Variants in IFT80 observed in about 807,000 individuals in gnomAD.
The protein encoded by IFT80 is intraflagellar transport 80.
Under a neutral mutation model 107.9 loss-of-function variants are expected in IFT80, and 79 were observed. The observed-to-expected ratio is 0.73, with a 90% CI of 0.61 to 0.88. The LOEUF is 0.88. Among genes scored for constraint, IFT80 ranks in the 40% least tolerant of loss-of-function variants. IFT80 has a pLI of 0.00. For missense variants in IFT80, 797 were observed against 914.2 expected (o/e 0.87, Z 1.65); for synonymous variants, 299 against 300.9 (o/e 0.99, Z 0.07).
At chr3:160,383,743 A>G (rs1286344827) in intron 2 of IFT80, 1 of 985,254 alleles carries the variant, frequency 1.0e-6, no homozygotes, top group Non-Finnish European at 1.2e-6. Flanking sequence ...TCCTTGACAC[A>G]TAACTGGGGA....
chr3:160,315,074 A>AGGGAGGGAGGGAGGGG (rs1717704206), intron 9 of IFT80, among the ~76,000 whole-genome samples: 2 of 24,682 alleles, frequency 8.1e-5, no homozygotes, highest in African/African-American at 3.2e-4. Flanking sequence ...GGAGGGAGGG[A>AGGGAGGGAGGGAGGGG]GGGAGGGAGG....
chr3:160,381,794 G>A, intron 2 of IFT80, 70 bp from the exon 3 acceptor site: 1 of 1,235,848 alleles, frequency 8.1e-7, no homozygotes, highest in South Asian at 1.2e-5. Context: ...CACAGATGCA[G>A]ATTATAAGGT....
At position 160,257,056 on chromosome 3, in the gene IFT80, A is replaced by G. The variant is rs1288380935; in HGVS notation, c.*1469T>C. The G allele has an allele frequency of 6.6e-6, 1 of 152,138 alleles. No homozygotes were observed. The highest frequency in any genetic ancestry group is 2.4e-5 in the African/African-American group (1 of 41,430). 9.4% of individuals were successfully genotyped at this position (152,138 alleles called of 1,614,324 possible). The stretch of plus-strand genomic sequence containing the variant: ...AATATACATAACATAAAACCTTTTA[A>G]CCATTTATTTTTAAACATTTTAAGC... On this transcript the variant is annotated 3_prime_UTR_variant, in exon 20 of 20. Transcript: ENST00000326448.
rs1441275758 is a variant in IFT80 at position 160,277,332 on chromosome 3, G to A, written c.2073C>T (p.Ile691=). 1 of 1,612,942 alleles carries A rather than the reference G, an allele frequency of 6.2e-7. No homozygotes were observed. Among genetic ancestry groups the A allele is most frequent in the Non-Finnish European group, 8.5e-7 (1 of 1,179,790 alleles). ...TTTCCCAGTTGTAGAGATTAATATT[G>A]ATCTGGATTGCTTGATAAACAAGGC... is the stretch of plus-strand genomic sequence containing the variant. ...QAGLVYQAIQ[I]NINLYNWERA... The change falls in exon 18 of 20, where the codon ATC becomes ATT. Residue 691 remains isoleucine (I), a synonymous_variant. Transcript: ENST00000326448.
intron 11 of IFT80, among the ~76,000 whole-genome samples, chr3:160,303,582 T>C (rs777455790): frequency 1.3e-5 from 2 of 152,226 alleles, no homozygotes; most frequent in Admixed American, 6.5e-5. Flanking sequence ...ATTACTCTGA[T>C]GTTTACTTGT....
At chr3:160,371,138 T>G (rs182725806) in intron 5 of IFT80, among the ~76,000 whole-genome samples, 152 of 152,258 alleles carry the variant, frequency 1.0e-3, no homozygotes, top group African/African-American at 3.6e-3. Flanking sequence ...CGGCCTACAC[T>G]CTGGCCCAAG....
At chr3:160,373,804 T>C (rs1711753151) in intron 5 of IFT80, 1 of 152,446 alleles carries the variant, frequency 6.6e-6, no homozygotes, top group African/African-American at 2.4e-5. Flanking sequence ...TCACCACTGA[T>C]CTGACAGGAG....
intron 18 of IFT80, among the ~76,000 whole-genome samples, chr3:160,270,959 G>A (rs776121694): frequency 5.9e-5 from 9 of 152,154 alleles, no homozygotes; most frequent in East Asian, 3.9e-4. Flanking sequence ...CCAAAATTCC[G>A]AATGAGATAC....
intron 8 of IFT80, among the ~76,000 whole-genome samples, chr3:160,351,009 CATTTT>C (rs1225464934): frequency 6.6e-6 from 1 of 151,790 alleles, no homozygotes; most frequent in Non-Finnish European, 1.5e-5. Flanking sequence ...AAAACCTGTA[CATTTT>C]ATTTGAAAAT....
Position 160,258,160 on chromosome 3 carries a change from G to C in IFT80, c.*365C>G, listed in dbSNP as rs1712504526. 2 of 211,828 alleles carry C rather than the reference G, an allele frequency of 9.4e-6. No individual in the cohort carries two copies. Among genetic ancestry groups the C allele is most frequent in the South Asian group, 1.6e-4 (2 of 12,322 alleles). The allele number at this position is 211,828 out of a possible 1,614,324, so 13.1% of individuals were successfully genotyped here. On this transcript the variant is annotated 3_prime_UTR_variant, in exon 20 of 20. Transcript: ENST00000326448. Reference sequence around the variant, plus strand: ...CATTTTACAATTTAGAGGTCAAATAGAAATTAATGGTAACATACATTTCAA... The same window carrying C: ...CATTTTACAATTTAGAGGTCAAATACAAATTAATGGTAACATACATTTCAA...
intron 3 of IFT80, among the ~76,000 whole-genome samples, chr3:160,380,439 G>T (rs1476354584): frequency 1.3e-5 from 2 of 152,080 alleles, no homozygotes; most frequent in African/African-American, 2.4e-5. Flanking sequence ...TGGGCTACTG[G>T]CCACCGTCAT....
At chr3:160,355,294 G>T (rs2108359072) in intron 8 of IFT80, among the ~76,000 whole-genome samples, 1 of 152,254 alleles carries the variant, frequency 6.6e-6, no homozygotes, top group South Asian at 2.1e-4. Flanking sequence ...TCTCATCCAG[G>T]CTGGAGTACA....
At chr3:160,275,979 T>C (rs1276612223) in intron 18 of IFT80, among the ~76,000 whole-genome samples, 1 of 152,172 alleles carries the variant, frequency 6.6e-6, no homozygotes, top group Non-Finnish European at 1.5e-5. Context: ...GCAATTCTCC[T>C]GCCTCAGCCT....
chr3:160,297,944 T>G (rs1224175520), intron 12 of IFT80, among the ~76,000 whole-genome samples: 2 of 152,122 alleles, frequency 1.3e-5, no homozygotes, highest in African/African-American at 4.8e-5. Flanking sequence ...GAGCTGTGAG[T>G]TGAAATAGTT....
chr3:160,362,036 C>G lies in IFT80; in HGVS notation c.549+4007G>C, dbSNP rs551191470. Among the ~76,000 whole-genome samples, 6 of 152,144 alleles carry G rather than the reference C, an allele frequency of 3.9e-5. No individual in the cohort carries two copies. In the East Asian group the frequency reaches 9.6e-4, roughly 24 times the overall value. On this transcript the variant is annotated intron_variant, in intron 6 of 19. Coordinates refer to ENST00000326448, the MANE Select transcript of IFT80 (RefSeq NM_020800.3). ...AGAAATAACTAAGATCAGAGCAGAA[C>G]TGAAGGAGATAGAGACACAAAAAAC...
At chr3:160,352,146 A>G (rs1720756405) in intron 8 of IFT80, among the ~76,000 whole-genome samples, 4 of 150,870 alleles carry the variant, frequency 2.7e-5, no homozygotes. Flanking sequence ...ACCCGCCACC[A>G]CGCCCGGCTA....
intron 8 of IFT80, among the ~76,000 whole-genome samples, chr3:160,352,708 C>T (rs1187604393): frequency 6.6e-6 from 1 of 152,090 alleles, no homozygotes; most frequent in Non-Finnish European, 1.5e-5. Context: ...GGTTTACTAT[C>T]GTAATGATTG....
chr3:160,360,580 GA>G (rs1278095493), intron 6 of IFT80, among the ~76,000 whole-genome samples: 1 of 152,066 alleles, frequency 6.6e-6, no homozygotes, highest in African/African-American at 2.4e-5. Context: ...AGAAATGAAG[GA>G]AAAAATGTTA....
At chr3:160,264,978 A>ATT (rs1713184041) in intron 19 of IFT80, among the ~76,000 whole-genome samples, 1 of 152,140 alleles carries the variant, frequency 6.6e-6, no homozygotes, top group East Asian at 1.9e-4. Flanking sequence ...CTTTGCTAGA[A>ATT]CAGTCTCTGC....
Sources: gnomAD v4.1 joint callset for allele counts (sites outside exome capture counted in the v4.1 genomes callset) on GRCh38, gnomAD v4.1.1 for gene constraint, MANE v1.5 for transcripts, NCBI Gene and HGNC (gene_info 2026-07-23, HGNC 2026-07-21) for gene names.